The following MOB1B variants were observed in gnomAD, a reference collection of about 807,000 sequenced individuals.
MOB1B encodes MOB1 Mps One Binder homolog B.
Under a neutral mutation model 24.4 loss-of-function variants are expected in MOB1B, and 19 were observed. The ratio of observed to expected loss-of-function variants is 0.78; its 90% confidence interval spans 0.54 to 1.14. The LOEUF is 1.14. Ranked by LOEUF, MOB1B falls within the 50% of genes most tolerant of loss-of-function variation. The pLI, the probability that MOB1B is intolerant of heterozygous loss-of-function variation, is 0.00. For synonymous variants in MOB1B, 76 were observed against 82.1 expected (o/e 0.93, Z 0.40); for missense variants, 243 against 259.6 (o/e 0.94, Z 0.44).
In MOB1B at chr4:70,905,746, G is replaced by T. The variant is rs973226621; in HGVS notation, c.14+3196G>T. 2.6e-5 allele frequency among the ~76,000 whole-genome samples: 4 copies of T among 152,044 alleles called. No homozygotes were observed. The East Asian group carries it at 7.7e-4, about 29-fold the overall frequency. ...ACTCTTGAGGGCTCTAAGATAGAAGGAAAGAACTACTACTGATTTTTAAAA... is the reference window on the plus strand; with the variant it reads ...ACTCTTGAGGGCTCTAAGATAGAAGTAAAGAACTACTACTGATTTTTAAAA... On this transcript the variant is annotated intron_variant, in intron 1 of 5. Transcript: ENST00000309395.
intron 4 of MOB1B, 132 bp from the exon 5 acceptor site, chr4:70,978,996 G>A (rs1205898761): frequency 2.1e-5 from 15 of 699,222 alleles, no homozygotes; most frequent in Middle Eastern, 3.7e-4. Context: ...GGTATAATGG[G>A]TATATGTATA....
chr4:70,955,435 T>C (rs1324364489), intron 1 of MOB1B, among the ~76,000 whole-genome samples: 2 of 152,138 alleles, frequency 1.3e-5, no homozygotes, highest in Admixed American at 6.5e-5. Context: ...AATGTCTTTT[T>C]TGTAAAATAT....
intron 4 of MOB1B, chr4:70,975,505 C>G: frequency 8.2e-7 from 1 of 1,223,080 alleles, no homozygotes; most frequent in Non-Finnish European, 1.0e-6. Context: ...TCCCCTTTAA[C>G]TTAGTGCTTT....
chr4:70,954,793 C>G (rs1737972641), intron 1 of MOB1B, among the ~76,000 whole-genome samples: 1 of 150,758 alleles, frequency 6.6e-6, no homozygotes, highest in Admixed American at 6.6e-5. Flanking sequence ...CTCTGTCACC[C>G]AGGCTGGAGT....
intron 1 of MOB1B, among the ~76,000 whole-genome samples, chr4:70,908,089 G>A (rs1450791248): frequency 1.3e-5 from 2 of 150,380 alleles, no homozygotes; most frequent in Non-Finnish European, 3.0e-5. Flanking sequence ...CCAGTGGCGC[G>A]ATCTCGGCTC....
intron 1 of MOB1B, among the ~76,000 whole-genome samples, chr4:70,910,272 C>T (rs1329675417): frequency 6.6e-6 from 1 of 152,002 alleles, no homozygotes; most frequent in Non-Finnish European, 1.5e-5. Context: ...AACTCCTGGC[C>T]TCAAGCAATC....
chr4:70,968,744 G>A (rs1738638596), intron 2 of MOB1B, among the ~76,000 whole-genome samples: 1 of 152,094 alleles, frequency 6.6e-6, no homozygotes, highest in African/African-American at 2.4e-5. Flanking sequence ...CCTTCTGAAT[G>A]GTGTGGCTTG....
chr4:70,955,552 C>G (rs1368054063), intron 1 of MOB1B, among the ~76,000 whole-genome samples: 3 of 142,964 alleles, frequency 2.1e-5, no homozygotes, highest in Admixed American at 7.3e-5. Context: ...CTCACTGCAA[C>G]CCCCGCCTCC....
intron 2 of MOB1B, among the ~76,000 whole-genome samples, chr4:70,964,454 T>C (rs1471896442): frequency 6.6e-6 from 1 of 152,186 alleles, no homozygotes; most frequent in Non-Finnish European, 1.5e-5. Context: ...AACTGAAATT[T>C]GGTGATGAAA....
At chr4:70,949,285 T>A (rs1482234243) in intron 1 of MOB1B, among the ~76,000 whole-genome samples, 2 of 152,198 alleles carry the variant, frequency 1.3e-5, no homozygotes, top group African/African-American at 4.8e-5. Context: ...CCACTAATAA[T>A]AGTGATTTAA....
At chr4:70,948,737 T>C (rs1737683902) in intron 1 of MOB1B, among the ~76,000 whole-genome samples, 1 of 152,194 alleles carries the variant, frequency 6.6e-6, no homozygotes, top group African/African-American at 2.4e-5. Context: ...ATTGGTTTGC[T>C]TCTTGGTGAA....
chr4:70,907,132 G>C (rs1007883593), intron 1 of MOB1B, among the ~76,000 whole-genome samples: 3 of 152,196 alleles, frequency 2.0e-5, no homozygotes, highest in Non-Finnish European at 4.4e-5. Flanking sequence ...GCAAGAGGCT[G>C]TAGAATTTTG....
At chr4:70,906,417 G>A (rs1447870111) in intron 1 of MOB1B, among the ~76,000 whole-genome samples, 1 of 152,100 alleles carries the variant, frequency 6.6e-6, no homozygotes, top group African/African-American at 2.4e-5. Flanking sequence ...TGATGTGGAT[G>A]TTGGGCACCA....
chr4:70,963,669 A>C (rs1468571956), intron 2 of MOB1B, among the ~76,000 whole-genome samples: 1 of 151,978 alleles, frequency 6.6e-6, no homozygotes, highest in Non-Finnish European at 1.5e-5. Context: ...AAAATAAAAA[A>C]GTTAGCCAGG....
rs565860040 is a variant in MOB1B, at chr4:70,937,418, G to T, written c.15-21456G>T. ...ATTTTCAATTCTAGGAAAATATCCT[G>T]ATTTATTGATAAAACACTTTATCTT... On this transcript the variant is annotated intron_variant, in intron 1 of 5. Transcript: ENST00000309395. Among the ~76,000 whole-genome samples the T allele has an allele frequency of 9.2e-5, 14 of 151,838 alleles. No homozygotes were observed. In the South Asian group the frequency reaches 1.9e-3, roughly 20 times the overall value.
intron 4 of MOB1B, among the ~76,000 whole-genome samples, chr4:70,977,088 TA>T (rs1036129253): frequency 2.6e-5 from 4 of 152,062 alleles, no homozygotes; most frequent in African/African-American, 7.2e-5. Flanking sequence ...TGTATTTCCT[TA>T]AAAAAATCAG....
At chr4:70,943,478 A>G (rs1737432936) in intron 1 of MOB1B, among the ~76,000 whole-genome samples, 1 of 152,220 alleles carries the variant, frequency 6.6e-6, no homozygotes, top group African/African-American at 2.4e-5. Flanking sequence ...ATGAATAATC[A>G]TCTGACATAA....
At chr4:70,909,897 C>T (rs1456773903) in intron 1 of MOB1B, among the ~76,000 whole-genome samples, 1 of 152,074 alleles carries the variant, frequency 6.6e-6, no homozygotes, top group Non-Finnish European at 1.5e-5. Flanking sequence ...CAGGTGTCCT[C>T]CACCATGCCT....
intron 1 of MOB1B, among the ~76,000 whole-genome samples, chr4:70,923,969 A>AG (rs1736549673): frequency 6.6e-6 from 1 of 150,936 alleles, no homozygotes; most frequent in South Asian, 2.1e-4. Context: ...TAGACTCAAA[A>AG]AAAAAAAAAG....
Sources: gnomAD v4.1 joint callset for allele counts (sites outside exome capture counted in the v4.1 genomes callset) on GRCh38, gnomAD v4.1.1 for gene constraint, MANE v1.5 for transcripts, NCBI Gene and HGNC (gene_info 2026-07-23, HGNC 2026-07-21) for gene names.